PDCL3: variants seen among roughly 807,000 people sequenced by gnomAD.
PDCL3 encodes phosducin-like protein 3.
PDCL3 carries 22 observed loss-of-function variants against 26.5 expected under a neutral mutation model. The ratio of observed to expected loss-of-function variants is 0.83; its 90% confidence interval spans 0.59 to 1.19. The LOEUF (loss-of-function observed/expected upper bound fraction) is 1.19, where lower values mean the gene tolerates loss of function less well. Ranked by LOEUF, PDCL3 falls within the 50% of genes most tolerant of loss-of-function variation. PDCL3 has a pLI of 0.00. For missense variants in PDCL3, 246 were observed against 294.1 expected (o/e 0.84, Z 1.20); for synonymous variants, 81 against 104.9 (o/e 0.77, Z 1.39).
intron 1 of PDCL3, among the ~76,000 whole-genome samples, chr2:100,565,942 C>T (rs751520476): frequency 2.0e-5 from 3 of 152,108 alleles, no homozygotes; most frequent in Admixed American, 6.6e-5. Context: ...CTTGCTCTGT[C>T]GCCCAGGCTG....
intron 5 of PDCL3, among the ~76,000 whole-genome samples, chr2:100,572,706 G>C (rs1675202253): frequency 6.7e-6 from 1 of 148,224 alleles, no homozygotes; most frequent in Non-Finnish European, 1.5e-5. Context: ...TTTTAGTAGA[G>C]ACAGGGTTTC....
chr2:100,565,248 C>T (rs1203423622), intron 1 of PDCL3, among the ~76,000 whole-genome samples: 4 of 151,442 alleles, frequency 2.6e-5, no homozygotes, highest in Admixed American at 1.3e-4. Flanking sequence ...GAATTACAGG[C>T]GTGAGCCACT....
chr2:100,571,970 G>T (rs968206654), intron 5 of PDCL3, 172 bp downstream of exon 5: 2 of 638,428 alleles, frequency 3.1e-6, no homozygotes, highest in Non-Finnish European at 5.6e-6. Flanking sequence ...ATCAGGAACA[G>T]TTACAACTGG....
intron 1 of PDCL3, among the ~76,000 whole-genome samples, chr2:100,564,592 G>A (rs1355490438): frequency 6.6e-5 from 10 of 152,116 alleles, no homozygotes; most frequent in Non-Finnish European, 1.2e-4. Flanking sequence ...CACCGCGCCC[G>A]GCCTCATTTT....
Position 100,563,090 on chromosome 2 carries a change from C to T in PDCL3, c.6+17C>T, listed in dbSNP as rs1304565487. ...AAGATGCAGGTGAGCTAGGACGGGTCTCGGGTCTGGGGGCTGCGGCCCGTT... is the reference window on the plus strand; with the variant it reads ...AAGATGCAGGTGAGCTAGGACGGGTTTCGGGTCTGGGGGCTGCGGCCCGTT... On this transcript the variant is annotated intron_variant, in intron 1 of 5. Transcript: ENST00000264254. 3.1e-6 allele frequency: 5 copies of T among 1,601,544 alleles called. No homozygotes were observed. The highest frequency in any genetic ancestry group is 1.7e-4 in the Middle Eastern group (1 of 5,790).
At chr2:100,575,701 A>G (rs1171648052) in intron 5 of PDCL3, among the ~76,000 whole-genome samples, 1 of 152,198 alleles carries the variant, frequency 6.6e-6, no homozygotes, top group African/African-American at 2.4e-5. Context: ...TAGTTGGAAC[A>G]AATGTGTAAG....
intron 3 of PDCL3, 119 bp from the exon 4 acceptor site, chr2:100,569,459 C>G: frequency 8.1e-7 from 1 of 1,232,294 alleles, no homozygotes. Context: ...GCAAACTGAT[C>G]TTAGATTTTT....
intron 5 of PDCL3, among the ~76,000 whole-genome samples, chr2:100,573,916 C>T (rs781086361): frequency 5.9e-5 from 9 of 151,936 alleles, no homozygotes; most frequent in Non-Finnish European, 7.4e-5. Context: ...TTACATATAA[C>T]GATTGCTTTG....
At chr2:100,570,059 G>A (rs1476106478) in intron 4 of PDCL3, among the ~76,000 whole-genome samples, 2 of 152,170 alleles carry the variant, frequency 1.3e-5, no homozygotes, top group Admixed American at 6.5e-5. Context: ...GCAGTGAGCC[G>A]AGATTGCGCC....
Position 100,569,614 on chromosome 2 carries a change from G to A in PDCL3, c.261G>A (p.Leu87=). ...TGGCTGAGTGGAAAGCAACTAAACT[G>A]AAGAATAAATTCGGAGAAGTTTTGG... is the stretch of plus-strand genomic sequence containing the variant. ...RRLAEWKATK[L]KNKFGEVLEI... Residue 87 remains leucine (L), a synonymous_variant, in exon 4 of 6, where the codon CTG becomes CTA. Coordinates refer to ENST00000264254, the MANE Select transcript of PDCL3 (RefSeq NM_024065.5). 3 of 1,613,922 alleles carry A rather than the reference G, an allele frequency of 1.9e-6. No homozygotes were observed. Among genetic ancestry groups the A allele is most frequent in the Non-Finnish European group, 2.5e-6 (3 of 1,179,912 alleles).
intron 2 of PDCL3, among the ~76,000 whole-genome samples, chr2:100,568,467 A>C (rs1212180236): frequency 1.3e-5 from 2 of 152,284 alleles, no homozygotes; most frequent in South Asian, 2.1e-4. Context: ...CCCTGTCTCT[A>C]TTAATGATAC....
intron 3 of PDCL3, 44 bp downstream of exon 3, chr2:100,569,065 T>C (rs1213657327): frequency 6.4e-7 from 1 of 1,559,428 alleles, no homozygotes; most frequent in Non-Finnish European, 8.7e-7. Context: ...TGTTGTTGTT[T>C]GTTTTGTTTT....
chr2:100,566,369 C>A, intron 1 of PDCL3, 134 bp from the exon 2 acceptor site: 1 of 1,197,066 alleles, frequency 8.4e-7, no homozygotes, highest in Non-Finnish European at 1.2e-6. Context: ...TCTTTTGACA[C>A]TTTCTCAGAA....
At position 100,571,798 on chromosome 2, in the gene PDCL3, G is replaced by A. The variant is rs1352771638; in HGVS notation, c.577G>A (p.Glu193Lys). 5 of 1,614,072 alleles carry A rather than the reference G, an allele frequency of 3.1e-6. No individual in the cohort carries two copies. Among genetic ancestry groups the A allele is most frequent in the Non-Finnish European group, 4.2e-6 (5 of 1,179,994 alleles). ...TGGCGGCATGAACCTGACAAGAGATGGTAAGGGCTCTGGGAGACAGGCGGG... is the reference window on the plus strand; with the variant it reads ...TGGCGGCATGAACCTGACAAGAGATAGTAAGGGCTCTGGGAGACAGGCGGG... ...VFGGMNLTRD[E>K]LEWKLSESGA... The change falls in exon 5 of 6, where the codon GAG (glutamate) becomes AAG (lysine). Residue 193 changes from glutamate to lysine, a missense_variant and splice_region_variant. Coordinates refer to ENST00000264254, the MANE Select transcript of PDCL3 (RefSeq NM_024065.5).
In PDCL3 at chr2:100,564,285, T is replaced by TTTTGTTTG. The variant is rs111283698; in HGVS notation, c.6+1228_6+1235dup. The stretch of plus-strand genomic sequence containing the variant: ...CACCCTGTAGAAAGGATTCTGCTCT[T>TTTTGTTTG]TTTGTTTGTTTGTTTGTTTGTTTCT... On this transcript the variant is annotated intron_variant, in intron 1 of 5. Transcript: ENST00000264254. 8.9e-3 allele frequency among the ~76,000 whole-genome samples: 1,333 copies of TTTTGTTTG among 149,942 alleles called. 17 individuals are homozygous for TTTTGTTTG. The highest frequency in any genetic ancestry group is 0.029 in the African/African-American group (1,191 of 40,558).
chr2:100,572,482 G>T (rs1413750672), intron 5 of PDCL3, among the ~76,000 whole-genome samples: 2 of 151,744 alleles, frequency 1.3e-5, no homozygotes, highest in African/African-American at 4.8e-5. Flanking sequence ...AAAGTGCTGG[G>T]ATTACAGACG....
intron 5 of PDCL3, among the ~76,000 whole-genome samples, chr2:100,574,691 T>G (rs1484908325): frequency 2.0e-5 from 3 of 152,238 alleles, no homozygotes; most frequent in Admixed American, 2.0e-4. Context: ...ACATTAGGTC[T>G]TCAGAACTTA....
In PDCL3 at chr2:100,576,456, C is replaced by A. The variant is rs776615585; in HGVS notation, c.680C>A (p.Ser227Tyr). 2 of 1,613,312 alleles carry A rather than the reference C, an allele frequency of 1.2e-6. No homozygotes were observed. The highest frequency in any genetic ancestry group is 1.1e-5 in the South Asian group (1 of 90,968). Residue 227 changes from serine to tyrosine, a missense_variant, in exon 6 of 6, where the codon TCT (serine) becomes TAT (tyrosine). By Grantham distance (144) the Ser-to-Tyr change is moderately radical. Transcript: ENST00000264254. ...GTGTTGCTGTCCTCAGTGCGGCGCT[C>A]TGTCCTCATGAAGAGGGACAGCGAT... is the stretch of plus-strand genomic sequence containing the variant. ...EDVLLSSVRR[S>Y]VLMKRDSDSE...
rs1553418465 is a variant in PDCL3 at position 100,576,367 on chromosome 2, A to G, written c.591A>G (p.Lys197=). The part of the protein sequence containing the change: ...MNLTRDELEW[K]LSESGAIMTD... ...TTTACCATATAGAGTTGGAATGGAAACTGTCTGAATCTGGAGCAATTATGA... is the reference window on the plus strand; with the variant it reads ...TTTACCATATAGAGTTGGAATGGAAGCTGTCTGAATCTGGAGCAATTATGA... Residue 197 remains lysine, a synonymous_variant, in exon 6 of 6, where the codon AAA becomes AAG. Coordinates refer to ENST00000264254, the MANE Select transcript of PDCL3 (RefSeq NM_024065.5). 1.9e-5 allele frequency: 31 copies of G among 1,613,784 alleles called. No homozygotes were observed. In the East Asian group the frequency reaches 6.9e-4, roughly 36 times the overall value.
Sources: allele counts gnomAD v4.1 joint callset (sites outside exome capture counted in the v4.1 genomes callset), GRCh38; gene constraint gnomAD v4.1.1; transcripts MANE v1.5; gene names NCBI Gene and HGNC (gene_info 2026-07-23, HGNC 2026-07-21).